The following ST18 variants were observed in gnomAD, a reference collection of about 807,000 sequenced individuals.
ST18 encodes suppression of tumorigenicity 18 protein.
In ST18, 50 loss-of-function variants were observed where a neutral mutation model predicts 110.0. That is an observed-to-expected ratio of 0.45 (90% CI 0.36 to 0.58). ST18 has a LOEUF of 0.58. Ranked by LOEUF, ST18 falls within the 20% of genes least tolerant of loss-of-function variation. The pLI is 0.00. For missense variants in ST18, 1,306 were observed against 1,280.1 expected, an observed-to-expected ratio of 1.02 and a Z score of -0.31; for synonymous variants, 461 against 452.4, an observed-to-expected ratio of 1.02 and a Z score of -0.24.
intron 7 of ST18, among the ~76,000 whole-genome samples, chr8:52,212,908 G>T (rs1182535406): frequency 6.6e-6 from 1 of 152,162 alleles, no homozygotes; most frequent in Non-Finnish European, 1.5e-5. Context: ...TGTGCTTTTA[G>T]AAGTCAAAAT....
chr8:52,129,085 T>C (rs975587079), intron 22 of ST18, among the ~76,000 whole-genome samples: 3 of 152,158 alleles, frequency 2.0e-5, no homozygotes, highest in Non-Finnish European at 1.5e-5. Flanking sequence ...CTTAATATTA[T>C]CTTCACAAAC....
chr8:52,289,114 G>C lies in ST18; in HGVS notation c.-464-59037C>G, dbSNP rs368307248. On this transcript the variant is annotated intron_variant, in intron 2 of 25. Coordinates refer to ENST00000689386, the MANE Select transcript of ST18 (RefSeq NM_001352837.2). ...AAAGAATTCCAGCCCCTGCAGGTCA[G>C]AAAGCATCTTAGATACTACCCCTCT... 3.2e-4 allele frequency among the ~76,000 whole-genome samples: 48 copies of C among 152,334 alleles called. No individual in the cohort carries two copies. In the East Asian group the frequency reaches 5.4e-3, roughly 17 times the overall value.
rs534808581 is a variant in ST18 at position 52,214,571 on chromosome 8, G to A, written c.1-314C>T. 2.6e-5 allele frequency among the ~76,000 whole-genome samples: 4 copies of A among 152,326 alleles called. No homozygotes were observed. In the East Asian group the frequency reaches 5.8e-4, roughly 22 times the overall value. On this transcript the variant is annotated intron_variant, in intron 6 of 25. Coordinates refer to ENST00000689386, the MANE Select transcript of ST18 (RefSeq NM_001352837.2). ...AAGGCTCATCTCATTAACAGTGGCT[G>A]TGAAGGAGATGAAACCTCATATGTC...
At chr8:52,282,929 G>A (rs2095410715) in intron 2 of ST18, among the ~76,000 whole-genome samples, 1 of 152,130 alleles carries the variant, frequency 6.6e-6, no homozygotes, top group Non-Finnish European at 1.5e-5. Context: ...TGGCATATGT[G>A]ATGTGCGCTT....
chr8:52,275,866 G>A (rs1589526536), intron 2 of ST18, among the ~76,000 whole-genome samples: 1 of 151,878 alleles, frequency 6.6e-6, no homozygotes, highest in East Asian at 1.9e-4. Flanking sequence ...GGAGGTCAGA[G>A]CCCATCAGTA....
At chr8:52,142,218 A>G (rs1476537063) in intron 17 of ST18, among the ~76,000 whole-genome samples, 1 of 152,160 alleles carries the variant, frequency 6.6e-6, no homozygotes, top group Non-Finnish European at 1.5e-5. Context: ...CTTTCTTGAT[A>G]CGTTCAGCTG....
chr8:52,349,131 T>A lies in ST18; in HGVS notation c.-465+60197A>T, dbSNP rs1219992738. ...GCTCGTTTTTTGTTAAATCTGGAGA[T>A]CACAAAGTCCTCCAGGTTCATCCAT... On this transcript the variant is annotated intron_variant, in intron 2 of 25. Coordinates refer to ENST00000689386, the MANE Select transcript of ST18 (RefSeq NM_001352837.2). Among the ~76,000 whole-genome samples the A allele has an allele frequency of 3.9e-5, 6 of 152,122 alleles. 1 individual carries two copies. The highest frequency in any genetic ancestry group is 8.8e-5 in the Non-Finnish European group (6 of 68,038).
chr8:52,305,642 A>T (rs1010868464), intron 2 of ST18, among the ~76,000 whole-genome samples: 2 of 152,196 alleles, frequency 1.3e-5, no homozygotes. Context: ...ATCCATCCAG[A>T]TGCTGAGTGT....
At chr8:52,164,983 A>G (rs1345005268) in intron 12 of ST18, 152 bp downstream of exon 12, 4 of 688,522 alleles carry the variant, frequency 5.8e-6, no homozygotes, top group Admixed American at 2.6e-5. Flanking sequence ...GACAATGCAC[A>G]TGCTGAGAAT....
At chr8:52,360,838 AC>A (rs1825408796) in intron 2 of ST18, among the ~76,000 whole-genome samples, 1 of 152,130 alleles carries the variant, frequency 6.6e-6, no homozygotes, top group Non-Finnish European at 1.5e-5. Flanking sequence ...CTCCCTCCGA[AC>A]AAGCAAGCGA....
intron 8 of ST18, among the ~76,000 whole-genome samples, chr8:52,202,174 T>C (rs2078213280): frequency 6.6e-6 from 1 of 152,130 alleles, no homozygotes; most frequent in East Asian, 1.9e-4. Context: ...ACTTAAGAAC[T>C]TGGAAGGAAA....
At chr8:52,399,257 T>C (rs13254200) in intron 2 of ST18, among the ~76,000 whole-genome samples, 34,810 of 151,956 alleles carry the variant, frequency 0.23, 4,288 homozygotes, top group South Asian at 0.33. Context: ...ATGATCCTTT[T>C]TATTTCTGAT....
At chr8:52,114,259 C>T (rs1274313366) in intron 25 of ST18, among the ~76,000 whole-genome samples, 1 of 152,104 alleles carries the variant, frequency 6.6e-6, no homozygotes. Flanking sequence ...TGTGAGCCAC[C>T]ATGCTTGGCC....
At chr8:52,253,711 T>C (rs893848442) in intron 2 of ST18, among the ~76,000 whole-genome samples, 28 of 152,294 alleles carry the variant, frequency 1.8e-4, no homozygotes, top group Admixed American at 1.6e-3. Flanking sequence ...TAGAGAGATG[T>C]CAGATTTGGG....
intron 2 of ST18, among the ~76,000 whole-genome samples, chr8:52,277,335 C>A (rs2095291426): frequency 6.6e-6 from 1 of 152,218 alleles, no homozygotes; most frequent in Non-Finnish European, 1.5e-5. Context: ...TAAACCACCT[C>A]TAGTCCTCTC....
intron 19 of ST18, among the ~76,000 whole-genome samples, chr8:52,134,231 C>T (rs2051041710): frequency 6.6e-6 from 1 of 152,126 alleles, no homozygotes; most frequent in Admixed American, 6.5e-5. Context: ...GGGGAAAATC[C>T]ATCAATAACT....
intron 15 of ST18, among the ~76,000 whole-genome samples, chr8:52,158,406 C>G (rs1192675379): frequency 2.0e-5 from 3 of 152,186 alleles, no homozygotes; most frequent in African/African-American, 7.2e-5. Flanking sequence ...GCAACTTAGA[C>G]TATCTTATGT....
chr8:52,386,028 G>C (rs1836585806), intron 2 of ST18, among the ~76,000 whole-genome samples: 3 of 152,134 alleles, frequency 2.0e-5, no homozygotes, highest in Non-Finnish European at 2.9e-5. Context: ...CCTGGGACTT[G>C]ATTATGAAGA....
intron 2 of ST18, among the ~76,000 whole-genome samples, chr8:52,281,337 A>G (rs2095372337): frequency 6.6e-6 from 1 of 152,220 alleles, no homozygotes; most frequent in South Asian, 2.1e-4. Flanking sequence ...TAGCAAGTTT[A>G]ACATAAATGA....
Sources: allele counts gnomAD v4.1 joint callset (sites outside exome capture counted in the v4.1 genomes callset), GRCh38; gene constraint gnomAD v4.1.1; transcripts MANE v1.5; gene names NCBI Gene and HGNC (gene_info 2026-07-23, HGNC 2026-07-21).